LRCH4: variants seen among roughly 807,000 people sequenced by gnomAD.
LRCH4 encodes the protein leucine-rich repeat and calponin homology domain-containing protein 4.
Under a neutral mutation model 81.2 loss-of-function variants are expected in LRCH4, and 56 were observed. The observed-to-expected ratio is 0.69, with a 90% confidence interval of 0.56 to 0.86. LRCH4 has a LOEUF of 0.86. LRCH4 is among the 40% of genes least tolerant of loss of function. The pLI is 0.00. For synonymous variants in LRCH4, 442 were observed against 409.7 expected, an observed-to-expected ratio of 1.08 and a Z score of -0.95; for missense variants, 895 against 922.8, an observed-to-expected ratio of 0.97 and a Z score of 0.39.
rs1213809913 is a variant in LRCH4, at chr7:100,574,764, T to C, written c.*343A>G. On this transcript the variant is annotated 3_prime_UTR_variant, in exon 18 of 18. Transcript: ENST00000310300. ...AAATAGAGATAATTTAGCCCCCCCA[T>C]AGCAGCTGTTGGGGGGGGAAGGGGA... The C allele has an allele frequency of 2.3e-5, 6 of 265,024 alleles. No homozygotes were observed. The highest frequency in any genetic ancestry group is 1.3e-4 in the African/African-American group (6 of 45,612). 16.4% of individuals were successfully genotyped at this position (265,024 alleles called of 1,614,324 possible). A position where few individuals can be genotyped will look rare whatever the true frequency, so the allele number is the denominator to read the frequency against.
chr7:100,586,023 T>C lies in LRCH4; in HGVS notation c.78A>G (p.Pro26=), dbSNP rs1293199609. The change falls in exon 1 of 18, where the codon CCA becomes CCG. Residue 26 remains proline (P), a synonymous_variant. Transcript: ENST00000310300. ...AAATTSVPGS[P]GLPGRRSAER... ...CTGCACTGCGTCTCCCCGGCAGACC[T>C]GGAGACCCGGGCACGGAGGTCGTGG... 10 of 1,604,108 alleles carry C rather than the reference T, an allele frequency of 6.2e-6. No individual in the cohort carries two copies. The highest frequency in any genetic ancestry group is 8.5e-6 in the Non-Finnish European group (10 of 1,175,562).
At position 100,574,748 on chromosome 7, in the gene LRCH4, T is replaced by A. The variant is rs979983945; in HGVS notation, c.*359A>T. ...ATAGATCCTCTCTACAAAATAGAGATAATTTAGCCCCCCCATAGCAGCTGT... is the reference window on the plus strand; with the variant it reads ...ATAGATCCTCTCTACAAAATAGAGAAAATTTAGCCCCCCCATAGCAGCTGT... On this transcript the variant is annotated 3_prime_UTR_variant, in exon 18 of 18. Transcript: ENST00000310300. The A allele has an allele frequency of 4.4e-6, 1 of 227,796 alleles. No individual in the cohort carries two copies. The highest frequency in any genetic ancestry group is 2.3e-5 in the African/African-American group (1 of 44,116). 14.1% of individuals were successfully genotyped at this position (227,796 alleles called of 1,614,324 possible). A position where few individuals can be genotyped will look rare whatever the true frequency, so the allele number is the denominator to read the frequency against.
In LRCH4 at chr7:100,583,079, A is replaced by G. The variant is rs541317850; in HGVS notation, c.221-620T>C. Among the ~76,000 whole-genome samples the G allele has an allele frequency of 6.6e-6, 1 of 152,288 alleles. No homozygotes were observed. The highest frequency in any genetic ancestry group is 2.4e-5 in the African/African-American group (1 of 41,558). Reference sequence around the variant, plus strand: ...AAGAATCATAAAGTTACTGATTCCCAAGGGCTGGGAGGGAAGGGCAAGAAG... The same window carrying G: ...AAGAATCATAAAGTTACTGATTCCCGAGGGCTGGGAGGGAAGGGCAAGAAG... On this transcript the variant is annotated intron_variant, in intron 1 of 17. Transcript: ENST00000310300. The surrounding 1 kb of genome is among the most constrained non-coding windows in gnomAD (Gnocchi z 4.3).
chr7:100,584,874 C>T (rs953801045), intron 1 of LRCH4: 1 of 431,052 alleles, frequency 2.3e-6, no homozygotes, highest in African/African-American at 2.0e-5. Flanking sequence ...GAGGCCTGGG[C>T]TGGGGTGAGG....
Position 100,577,402 on chromosome 7 carries a change from G to T in LRCH4, c.1179-13C>A. 6.2e-7 allele frequency: 1 copy of T among 1,600,236 alleles called. No individual in the cohort carries two copies. The highest frequency in any genetic ancestry group is 1.7e-5 in the Admixed American group (1 of 60,022). On this transcript the variant is annotated splice_polypyrimidine_tract_variant and intron_variant, in intron 10 of 17. Transcript: ENST00000310300. The surrounding 1 kb of genome is among the most constrained non-coding windows in gnomAD (Gnocchi z 6.7). The stretch of plus-strand genomic sequence containing the variant: ...CGGCTCCTCCCGCCTGAGGGACCAA[G>T]ACAGGGCAAGAGGGGCAGACCCCGG...
intron 4 of LRCH4, chr7:100,580,544 AAC>A (rs769327057): frequency 6.6e-6 from 1 of 150,474 alleles, no homozygotes; most frequent in Non-Finnish European, 1.5e-5. Context: ...CAACCCACAC[AAC>A]ACACACCCAA....
rs771824805 is a variant in LRCH4 at position 100,578,229 on chromosome 7, C to T, written c.878G>A (p.Arg293Gln). 1.7e-5 allele frequency: 27 copies of T among 1,614,104 alleles called. No individual in the cohort carries two copies. The highest frequency in any genetic ancestry group is 8.0e-5 in the African/African-American group (6 of 74,952). The stretch of plus-strand genomic sequence containing the variant: ...GCCTGAGTCCAGCCCACCATCGTAC[C>T]GATGTCCCGGAAATAGATCCTCTGC... ...CPAEDLFPGH[R>Q]YDGGLDSGFH... The change falls in exon 7 of 18, where the codon CGG becomes CAG. Residue 293 changes from arginine (R) to glutamine (Q), a missense_variant. Physicochemically the swap from Arg to Gln is conservative, Grantham distance 43. Around this residue, in one of 3 missense-constraint regions of LRCH4, gnomAD observed 360 missense variants for 397.0 expected, o/e 0.91. Coordinates refer to ENST00000310300, the MANE Select transcript of LRCH4 (RefSeq NM_002319.5). The surrounding 1 kb of genome is among the most constrained non-coding windows in gnomAD (Gnocchi z 5.7).
At position 100,575,107 on chromosome 7, in the gene LRCH4, C is replaced by T; in HGVS notation, c.2052G>A (p.Ter684=). 1 of 1,605,836 alleles carries T rather than the reference C, an allele frequency of 6.2e-7. No individual in the cohort carries two copies. Among genetic ancestry groups the T allele is most frequent in the Non-Finnish European group, 8.5e-7 (1 of 1,174,870 alleles). ...GGTGAGGGAGGGCCGATTTTGGGGC[C>T]TAGGAACCCAGGAGCCGAGTGTAGG... ...YVTYTRLLGS[*] is the part of the protein sequence containing the mutation. Residue 684 remains the stop codon, a stop_retained_variant, in exon 18 of 18, where the codon TAG becomes TAA. Transcript: ENST00000310300. The surrounding 1 kb of genome is among the most constrained non-coding windows in gnomAD (Gnocchi z 5.3).
rs1299262490 is a variant in LRCH4 at position 100,578,052 on chromosome 7, G to C, written c.948+107C>G. ...GGATGCTGGGCAGAGGGAAGGAAGA[G>C]GACAGCTCCAGCCTCTGCCTGGCAC... On this transcript the variant is annotated intron_variant, in intron 7 of 17. Transcript: ENST00000310300. This position sits in a 1 kb window ranked among gnomAD's most constrained non-coding sequence, Gnocchi z 5.7. 2.1e-5 allele frequency: 28 copies of C among 1,327,856 alleles called. No individual in the cohort carries two copies. Among genetic ancestry groups the C allele is most frequent in the Non-Finnish European group, 3.0e-5 (28 of 934,904 alleles). 82.3% of individuals were successfully genotyped at this position (1,327,856 alleles called of 1,614,324 possible).
Position 100,582,224 on chromosome 7 carries a change from C to T in LRCH4, c.366-57G>A. Reference sequence around the variant, plus strand: ...CCCCAGGCATGGCATCCCAGCACTGCCATCCTCTCGGGGTCACTGGGTGGG... The same window carrying T: ...CCCCAGGCATGGCATCCCAGCACTGTCATCCTCTCGGGGTCACTGGGTGGG... On this transcript the variant is annotated intron_variant, in intron 2 of 17. Transcript: ENST00000310300. The surrounding 1 kb of genome is among the most constrained non-coding windows in gnomAD (Gnocchi z 5.0). The T allele has an allele frequency of 6.2e-7, 1 of 1,613,372 alleles. No homozygotes were observed. The highest frequency in any genetic ancestry group is 1.1e-5 in the South Asian group (1 of 91,062).
In LRCH4 at chr7:100,574,194, C is replaced by T. The variant is rs996486244; in HGVS notation, c.*913G>A. On this transcript the variant is annotated 3_prime_UTR_variant, in exon 18 of 18. Transcript: ENST00000310300. ...CTTCTCTGAGAGCGCGGAGCCCAGG[C>T]GCGTCTTCTGCTCCCGGGGTCCCGG... is the stretch of plus-strand genomic sequence containing the variant. The T allele has an allele frequency of 1.2e-5, 2 of 167,182 alleles. No homozygotes were observed. Among genetic ancestry groups the T allele is most frequent in the South Asian group, 1.0e-4 (1 of 10,004 alleles). 10.4% of individuals were successfully genotyped at this position (167,182 alleles called of 1,614,324 possible).
rs370810162 is a variant in LRCH4 at position 100,575,252 on chromosome 7, C to T, written c.1907G>A (p.Arg636Gln). Residue 636 changes from arginine to glutamine, a missense_variant, in exon 18 of 18, where the codon CGG becomes CAG. By Grantham distance (43) the Arg-to-Gln change is conservative (BLOSUM62 1). Around this residue, in one of 3 missense-constraint regions of LRCH4, gnomAD observed 529 missense variants for 504.9 expected, o/e 1.05. Coordinates refer to ENST00000310300, the MANE Select transcript of LRCH4 (RefSeq NM_002319.5). The surrounding 1 kb of genome is among the most constrained non-coding windows in gnomAD (Gnocchi z 5.3). Reference protein sequence around the residue: ...DLLQGTARGLRTALEAVKRVG... With the variant: ...DLLQGTARGLQTALEAVKRVG... ...CCGCTTCACGGCCTCCAGCGCGGTC[C>T]GCAGCCCCCGGGCAGTGCCCTGGAG... 8.8e-5 allele frequency: 140 copies of T among 1,586,348 alleles called. No homozygotes were observed. The highest frequency in any genetic ancestry group is 1.1e-4 in the Non-Finnish European group (130 of 1,165,672).
chr7:100,583,285 A>AG lies in LRCH4; in HGVS notation c.221-827dup, dbSNP rs1801619037. On this transcript the variant is annotated intron_variant, in intron 1 of 17. Transcript: ENST00000310300. This position sits in a 1 kb window ranked among gnomAD's most constrained non-coding sequence, Gnocchi z 4.3. Reference sequence around the variant, plus strand: ...AGCATCTCAGGCACGGCGAGGGTGGAGAGTGTGGGAGGGCCTGGGGTCTAC... The same window carrying AG: ...AGCATCTCAGGCACGGCGAGGGTGGAGGAGTGTGGGAGGGCCTGGGGTCTAC... Among the ~76,000 whole-genome samples, 3 of 152,128 alleles carry AG rather than the reference A, an allele frequency of 2.0e-5. No individual in the cohort carries two copies. The highest frequency in any genetic ancestry group is 2.0e-4 in the Admixed American group (3 of 15,288).
chr7:100,579,570 C>G (rs34516923), intron 4 of LRCH4: 2 of 142,178 alleles, frequency 1.4e-5, no homozygotes, highest in Admixed American at 7.4e-5. Flanking sequence ...GCACTCCAGC[C>G]TGGGTGACAG....
In LRCH4 at chr7:100,575,267, G is replaced by C. The variant is rs1801310813; in HGVS notation, c.1892C>G (p.Thr631Ser). The C allele has an allele frequency of 6.3e-7, 1 of 1,575,852 alleles. No homozygotes were observed. Among genetic ancestry groups the C allele is most frequent in the Non-Finnish European group, 8.6e-7 (1 of 1,159,636 alleles). Residue 631 changes from threonine to serine, a missense_variant, in exon 18 of 18, where the codon ACT (threonine) becomes AGT (serine). Physicochemically the swap from Thr to Ser is moderately conservative, Grantham distance 58. This residue lies in a region of LRCH4 where 529 missense variants were observed against 504.9 expected (regional missense o/e 1.05). Transcript: ENST00000310300. The surrounding 1 kb of genome is among the most constrained non-coding windows in gnomAD (Gnocchi z 5.3). The part of the protein sequence containing the change: ...LCSPSDLLQG[T>S]ARGLRTALEA... ...CAGCGCGGTCCGCAGCCCCCGGGCA[G>C]TGCCCTGGAGGAGATCCGAGGGCGA...
rs1328883569 is a variant in LRCH4 at position 100,577,891 on chromosome 7, G to A, written c.970C>T (p.Leu324=). 4.3e-6 allele frequency: 7 copies of A among 1,613,952 alleles called. No individual in the cohort carries two copies. Among genetic ancestry groups the A allele is most frequent in the African/African-American group, 1.3e-5 (1 of 74,932 alleles). Residue 324 remains leucine, a synonymous_variant, in exon 8 of 18, where the codon CTG becomes TTG. Coordinates refer to ENST00000310300, the MANE Select transcript of LRCH4 (RefSeq NM_002319.5). This position sits in a 1 kb window ranked among gnomAD's most constrained non-coding sequence, Gnocchi z 6.7. ...GNESTDEFSE[L]SFRISELARE... ...GCCAGCTCTGAGATCCGGAATGACA[G>A]CTCTGAAAATTCATCTGTTGACTGT...
Position 100,581,859 on chromosome 7 carries a change from T to C in LRCH4, c.516A>G (p.Gln172=), listed in dbSNP as rs372114721. 1.2e-4 allele frequency: 188 copies of C among 1,614,030 alleles called. No individual in the cohort carries two copies. Among genetic ancestry groups the C allele is most frequent in the Non-Finnish European group, 1.5e-4 (177 of 1,180,020 alleles). The change falls in exon 4 of 18, where the codon CAA becomes CAG. Residue 172 remains glutamine (Q), a synonymous_variant. Coordinates refer to ENST00000310300, the MANE Select transcript of LRCH4 (RefSeq NM_002319.5). ...RQLDVSSNEL[Q]SLPSELCGLS... ...GGCCACACAGTTCCGAGGGCAGGGA[T>C]TGGAGCTCGTTGCTGCTCACGTCCT...
In LRCH4 at chr7:100,578,821, T is replaced by C. The variant is rs1343752172; in HGVS notation, c.599-35A>G. 2 of 1,604,066 alleles carry C rather than the reference T, an allele frequency of 1.2e-6. No individual in the cohort carries two copies. The highest frequency in any genetic ancestry group is 2.2e-5 in the South Asian group (2 of 89,738). ...GTGGGCAAGGGAAAAGTCAGGAACA[T>C]GCTCAGGGCTGTGGCCTCGTGCTCA... is the stretch of plus-strand genomic sequence containing the variant. On this transcript the variant is annotated intron_variant, in intron 4 of 17. Transcript: ENST00000310300. This position sits in a 1 kb window ranked among gnomAD's most constrained non-coding sequence, Gnocchi z 5.7.
intron 1 of LRCH4, 133 bp downstream of exon 1, chr7:100,585,748 T>C (rs940828168): frequency 1.3e-5 from 12 of 914,916 alleles, no homozygotes; most frequent in Non-Finnish European, 1.7e-5. Context: ...GCTGCAGGTT[T>C]AGGGCAATCA....
Sources: allele counts gnomAD v4.1 joint callset (sites outside exome capture counted in the v4.1 genomes callset), GRCh38; gene constraint gnomAD v4.1.1; regional missense constraint gnomAD v4.1.1; non-coding constraint Gnocchi (gnomAD v3.1); transcripts MANE v1.5; gene names NCBI Gene and HGNC (gene_info 2026-07-23, HGNC 2026-07-21).